Variants in DNAJB14 observed in about 807,000 individuals in gnomAD.
DNAJB14 encodes DnaJ heat shock protein family (Hsp40) member B14.
DNAJB14 carries 22 observed loss-of-function variants against 48.4 expected under a neutral mutation model. The observed-to-expected ratio is 0.45, with a 90% confidence interval of 0.32 to 0.65. DNAJB14 has a LOEUF of 0.65. Ranked by LOEUF, DNAJB14 falls within the 30% of genes least tolerant of loss-of-function variation. The pLI, the probability that DNAJB14 is intolerant of heterozygous loss-of-function variation, is 0.03. For missense variants in DNAJB14, 319 were observed against 458.8 expected, an observed-to-expected ratio of 0.70 and a Z score of 2.78; for synonymous variants, 142 against 158.7, an observed-to-expected ratio of 0.89 and a Z score of 0.79.
chr4:99,942,914 G>A (rs1418957803), intron 1 of DNAJB14, among the ~76,000 whole-genome samples: 1 of 152,040 alleles, frequency 6.6e-6, no homozygotes, highest in Non-Finnish European at 1.5e-5. Flanking sequence ...ATTTGGTGGT[G>A]GACTAGTATA....
In DNAJB14 at chr4:99,934,789, C is replaced by CAAAAAAAAAAAA. The variant is rs1167945149; in HGVS notation, c.134-4180_134-4169dup. On this transcript the variant is annotated intron_variant, in intron 1 of 7. Transcript: ENST00000442697. ...CCTGGGTGACAGAGCAAGACTGTCT[C>CAAAAAAAAAAAA]AAAAAAAAAAAAAAAAAAAAAAAAA... Among the ~76,000 whole-genome samples, 2 of 6,776 alleles carry CAAAAAAAAAAAA rather than the reference C, an allele frequency of 3.0e-4. 1 individual carries two copies. Among genetic ancestry groups the CAAAAAAAAAAAA allele is most frequent in the Non-Finnish European group, 4.9e-4 (2 of 4,104 alleles). 4.4% of individuals were successfully genotyped at this position (6,776 alleles called of 152,430 possible).
At chr4:99,905,883 A>G (rs1725447114) in intron 5 of DNAJB14, 177 bp from the exon 6 acceptor site, 1 of 824,706 alleles carries the variant, frequency 1.2e-6, no homozygotes, top group African/African-American at 1.9e-5. Flanking sequence ...CAGGCATATC[A>G]CCAGGAGATT....
chr4:99,933,868 C>A (rs528621712), intron 1 of DNAJB14, among the ~76,000 whole-genome samples: 4 of 152,168 alleles, frequency 2.6e-5, no homozygotes, highest in Admixed American at 6.5e-5. Context: ...AATACAGGGG[C>A]ATTTGCCAGC....
intron 1 of DNAJB14, among the ~76,000 whole-genome samples, 165 bp downstream of exon 1, chr4:99,946,274 A>G (rs1727070280): frequency 6.6e-6 from 1 of 152,044 alleles, no homozygotes; most frequent in Non-Finnish European, 1.5e-5. Flanking sequence ...GGCTGGGGCC[A>G]GGGCGGGGGT....
At position 99,938,097 on chromosome 4, in the gene DNAJB14, C is replaced by CAAAAAAAAAAAAAAAAAAAA. The variant is rs59597113; in HGVS notation, c.134-7496_134-7477dup. Among the ~76,000 whole-genome samples the CAAAAAAAAAAAAAAAAAAAA allele has an allele frequency of 2.2e-4, 9 of 40,972 alleles. 1 individual carries two copies. Among genetic ancestry groups the CAAAAAAAAAAAAAAAAAAAA allele is most frequent in the African/African-American group, 3.2e-4 (4 of 12,694 alleles). 26.9% of individuals were successfully genotyped at this position (40,972 alleles called of 152,430 possible). A position where few individuals can be genotyped will look rare whatever the true frequency, so the allele number is the denominator to read the frequency against. On this transcript the variant is annotated intron_variant, in intron 1 of 7. Coordinates refer to ENST00000442697, the MANE Select transcript of DNAJB14 (RefSeq NM_001031723.4). ...ACATGGCGAAACCATGTTAAAAATA[C>CAAAAAAAAAAAAAAAAAAAA]AAAAAAAAAAAAAAAAAAAAAAAAA...
intron 3 of DNAJB14, among the ~76,000 whole-genome samples, chr4:99,918,560 G>A (rs546264891): frequency 1.3e-5 from 2 of 152,324 alleles, no homozygotes; most frequent in East Asian, 3.9e-4. Flanking sequence ...CTTTGGCAGA[G>A]AAGGGGGAAT....
At chr4:99,902,762 TTGTC>T (rs1725337132) in intron 7 of DNAJB14, among the ~76,000 whole-genome samples, 1 of 152,088 alleles carries the variant, frequency 6.6e-6, no homozygotes, top group South Asian at 2.1e-4. Flanking sequence ...TAGAGACAAA[TTGTC>T]TGGTTTTCAA....
At chr4:99,928,400 A>C (rs1726332138) in intron 2 of DNAJB14, 1 of 224,062 alleles carries the variant, frequency 4.5e-6, no homozygotes. Context: ...GTGTATCTAC[A>C]CTCAGCATCA....
At position 99,899,335 on chromosome 4, in the gene DNAJB14, T is replaced by A. The variant is rs962604413; in HGVS notation, c.*1693A>T. 1.3e-5 allele frequency: 2 copies of A among 152,078 alleles called. No individual in the cohort carries two copies. Among genetic ancestry groups the A allele is most frequent in the Non-Finnish European group, 3.0e-5 (2 of 67,764 alleles). 9.4% of individuals were successfully genotyped at this position (152,078 alleles called of 1,614,324 possible). ...TTAAAATGCTATGAACTTATATTTT[T>A]AAAAACTTACTCTGCAGGCTCAACA... is the stretch of plus-strand genomic sequence containing the variant. On this transcript the variant is annotated 3_prime_UTR_variant, in exon 8 of 8. Transcript: ENST00000442697.
intron 3 of DNAJB14, among the ~76,000 whole-genome samples, chr4:99,912,112 A>C (rs1725684541): frequency 6.6e-6 from 1 of 152,188 alleles, no homozygotes; most frequent in African/African-American, 2.4e-5. Flanking sequence ...ATTGCCTCAA[A>C]ACCAACTGTT....
chr4:99,944,627 G>A (rs1560752152), intron 1 of DNAJB14, among the ~76,000 whole-genome samples: 1 of 150,900 alleles, frequency 6.6e-6, no homozygotes, highest in Non-Finnish European at 1.5e-5. Flanking sequence ...AGGCTGGAGT[G>A]CAGTGTTGCC....
intron 1 of DNAJB14, among the ~76,000 whole-genome samples, chr4:99,931,764 G>A (rs11097681): frequency 0.25 from 37,200 of 150,862 alleles, 4,724 homozygotes; most frequent in African/African-American, 0.29. Context: ...CACAATCTAT[G>A]AGCACAATAC....
At chr4:99,944,311 T>TG (rs1726987618) in intron 1 of DNAJB14, among the ~76,000 whole-genome samples, 1 of 152,140 alleles carries the variant, frequency 6.6e-6, no homozygotes, top group Non-Finnish European at 1.5e-5. Flanking sequence ...AGTAAAATGG[T>TG]GCAGGCGCTA....
intron 3 of DNAJB14, among the ~76,000 whole-genome samples, chr4:99,915,631 T>C (rs2081626): frequency 0.25 from 37,318 of 152,114 alleles, 4,719 homozygotes; most frequent in African/African-American, 0.29. Flanking sequence ...AGTGGAGGTT[T>C]ATCTTATGAA....
chr4:99,901,745 C>A (rs1472005856), intron 7 of DNAJB14, among the ~76,000 whole-genome samples: 1 of 152,128 alleles, frequency 6.6e-6, no homozygotes, highest in Non-Finnish European at 1.5e-5. Context: ...TAATGATATA[C>A]AGACTACAAA....
rs1553944896 is a variant in DNAJB14 at position 99,897,201 on chromosome 4, A to AATATATATAT, written c.*3817_*3826dup. The AATATATATAT allele has an allele frequency of 7.5e-6, 1 of 133,848 alleles. No individual in the cohort carries two copies. Among genetic ancestry groups the AATATATATAT allele is most frequent in the African/African-American group, 2.8e-5 (1 of 35,294 alleles). 8.3% of individuals were successfully genotyped at this position (133,848 alleles called of 1,614,324 possible). A position where few individuals can be genotyped will look rare whatever the true frequency, so the allele number is the denominator to read the frequency against. On this transcript the variant is annotated 3_prime_UTR_variant, in exon 8 of 8. Transcript: ENST00000442697. ...TAATTAGCTGGGAAAAAAAAAAAAA[A>AATATATATAT]ATATATATATATATATATACACCTA...
intron 1 of DNAJB14, among the ~76,000 whole-genome samples, chr4:99,940,046 A>G (rs1333457814): frequency 6.6e-6 from 1 of 152,196 alleles, no homozygotes; most frequent in East Asian, 1.9e-4. Flanking sequence ...CATGTAATTT[A>G]GTATATTCCA....
intron 1 of DNAJB14, among the ~76,000 whole-genome samples, chr4:99,940,273 T>A (rs146846240): frequency 6.6e-6 from 1 of 152,218 alleles, no homozygotes. Context: ...TGTGTGATTA[T>A]ACAAACATGT....
In DNAJB14 at chr4:99,900,725, G is replaced by T. The variant is rs1408946756; in HGVS notation, c.*303C>A. On this transcript the variant is annotated 3_prime_UTR_variant, in exon 8 of 8. Coordinates refer to ENST00000442697, the MANE Select transcript of DNAJB14 (RefSeq NM_001031723.4). ...TATTTACATGACAAGGGAAAAAATGGAGAATCACTAAAACTGGAAATTGCT... is the reference window on the plus strand; with the variant it reads ...TATTTACATGACAAGGGAAAAAATGTAGAATCACTAAAACTGGAAATTGCT... The T allele has an allele frequency of 9.6e-6, 2 of 208,030 alleles. No individual in the cohort carries two copies. Among genetic ancestry groups the T allele is most frequent in the Non-Finnish European group, 9.5e-6 (1 of 105,008 alleles). The allele number at this position is 208,030 out of a possible 1,614,324, so 12.9% of individuals were successfully genotyped here.
Sources: allele counts gnomAD v4.1 joint callset (sites outside exome capture counted in the v4.1 genomes callset), GRCh38; gene constraint gnomAD v4.1.1; transcripts MANE v1.5; gene names NCBI Gene and HGNC (gene_info 2026-07-23, HGNC 2026-07-21).